CUL4A: variants seen among roughly 807,000 people sequenced by gnomAD.
CUL4A encodes cullin 4A.
In CUL4A, 16 loss-of-function variants were observed where a neutral mutation model predicts 95.5. The observed-to-expected ratio is 0.17, with a 90% CI of 0.11 to 0.25. CUL4A has a LOEUF of 0.25. Ranked by LOEUF, CUL4A falls within the 10% of genes least tolerant of loss-of-function variation. The pLI is 1.00. For synonymous variants in CUL4A, 380 were observed against 353.1 expected (o/e 1.08, Z -0.85); for missense variants, 610 against 937.0 (o/e 0.65, Z 4.56).
chr13:113,221,425 A>G (rs760804422), intron 3 of CUL4A, among the ~76,000 whole-genome samples: 4 of 152,232 alleles, frequency 2.6e-5, no homozygotes, highest in Non-Finnish European at 5.9e-5. Context: ...GTCATGTGCT[A>G]GGTATGATGC....
Position 113,210,058 on chromosome 13 carries a change from C to G in CUL4A, c.234C>G (p.Ser78=). The change falls in exon 2 of 20, where the codon TCC becomes TCG. Residue 78 remains serine, a synonymous_variant. Transcript: ENST00000375440. The part of the protein sequence containing the change: ...EAVRAVQSST[S]IRYNLEELYQ... ...TGCGGGCCGTGCAGAGCAGCACCTCCATCAGGTACAACCTCGAGGAGCTCT... is the reference window on the plus strand; with the variant it reads ...TGCGGGCCGTGCAGAGCAGCACCTCGATCAGGTACAACCTCGAGGAGCTCT... 1 of 1,518,200 alleles carries G rather than the reference C, an allele frequency of 6.6e-7. No individual in the cohort carries two copies. The highest frequency in any genetic ancestry group is 8.8e-7 in the Non-Finnish European group (1 of 1,133,884). 94.0% of individuals were successfully genotyped at this position (1,518,200 alleles called of 1,614,324 possible).
intron 15 of CUL4A, among the ~76,000 whole-genome samples, chr13:113,246,729 C>G (rs1465437322): frequency 6.6e-6 from 1 of 152,160 alleles, no homozygotes; most frequent in East Asian, 1.9e-4. Context: ...GGGTCATGGC[C>G]AATGCTCCTT....
At chr13:113,244,757 G>A (rs1365621935) in intron 12 of CUL4A, among the ~76,000 whole-genome samples, 192 bp from the exon 13 acceptor site, 3 of 151,778 alleles carry the variant, frequency 2.0e-5, no homozygotes, top group Non-Finnish European at 4.4e-5. Context: ...AGAGAATGGC[G>A]TGAACGCGGG....
intron 3 of CUL4A, among the ~76,000 whole-genome samples, chr13:113,220,773 T>G (rs2040867475): frequency 6.6e-6 from 1 of 152,204 alleles, no homozygotes; most frequent in African/African-American, 2.4e-5. Flanking sequence ...AAGCACTTGC[T>G]TTCTACCTAC....
intron 14 of CUL4A, 150 bp downstream of exon 14, chr13:113,245,387 C>T (rs2041829659): frequency 2.8e-6 from 2 of 714,306 alleles, no homozygotes; most frequent in Non-Finnish European, 4.7e-6. Flanking sequence ...CATAGCAAGA[C>T]CCAGTCTCTA....
intron 15 of CUL4A, among the ~76,000 whole-genome samples, chr13:113,247,223 C>T (rs1288686381): frequency 2.0e-5 from 3 of 152,106 alleles, no homozygotes; most frequent in African/African-American, 7.2e-5. Flanking sequence ...CCACCAGGCC[C>T]CACCTCCAGC....
intron 18 of CUL4A, among the ~76,000 whole-genome samples, chr13:113,256,116 G>A (rs1475045659): frequency 6.6e-6 from 1 of 152,078 alleles, no homozygotes; most frequent in Non-Finnish European, 1.5e-5. Context: ...GATCCCGGGA[G>A]TTTGAGGCCA....
intron 5 of CUL4A, chr13:113,229,968 G>C: frequency 2.8e-6 from 1 of 350,990 alleles, no homozygotes; most frequent in Non-Finnish European, 5.1e-6. Context: ...CATCTTTCGG[G>C]GACTGTATAC....
intron 5 of CUL4A, among the ~76,000 whole-genome samples, chr13:113,232,932 C>G (rs1375693821): frequency 6.6e-6 from 1 of 152,192 alleles, no homozygotes; most frequent in Non-Finnish European, 1.5e-5. Context: ...GTTTTACTGT[C>G]AGTGGCATGC....
chr13:113,231,161 C>T (rs2041297214), intron 5 of CUL4A, among the ~76,000 whole-genome samples: 2 of 152,122 alleles, frequency 1.3e-5, no homozygotes, highest in African/African-American at 2.4e-5. Context: ...ATGATACCAC[C>T]TCCAGTCTAC....
chr13:113,224,806 C>G (rs889891268), intron 3 of CUL4A, among the ~76,000 whole-genome samples: 1 of 152,190 alleles, frequency 6.6e-6, no homozygotes, highest in Non-Finnish European at 1.5e-5. Flanking sequence ...CCAAGAGAAC[C>G]CTGTTAATGC....
At chr13:113,260,860 T>G in intron 19 of CUL4A, 101 bp downstream of exon 19, 1 of 920,408 alleles carries the variant, frequency 1.1e-6, no homozygotes, top group Non-Finnish European at 1.6e-6. Flanking sequence ...CCTGCATTAT[T>G]CATGGTGCTT....
chr13:113,237,256 G>A (rs1429428298), intron 9 of CUL4A, among the ~76,000 whole-genome samples: 1 of 152,200 alleles, frequency 6.6e-6, no homozygotes, highest in African/African-American at 2.4e-5. Flanking sequence ...TAGGGGACTC[G>A]GGGAGCTGTT....
At position 113,233,879 on chromosome 13, in the gene CUL4A, ACT is replaced by A. The variant is rs781262264; in HGVS notation, c.676-15_676-14del. On this transcript the variant is annotated splice_polypyrimidine_tract_variant and intron_variant, in intron 6 of 19. Transcript: ENST00000375440. ...TTTCCTTTACTGAAATTGGTCAGTA[ACT>A]CTGCTTGTTTCTTAGGTGTATAAAG... 1.5e-6 allele frequency: 2 copies of A among 1,333,052 alleles called. No individual in the cohort carries two copies. Among genetic ancestry groups the A allele is most frequent in the Non-Finnish European group, 1.1e-6 (1 of 925,784 alleles). The allele number at this position is 1,333,052 out of a possible 1,614,324, so 82.6% of individuals were successfully genotyped here.
intron 9 of CUL4A, among the ~76,000 whole-genome samples, chr13:113,237,728 T>G (rs1397576708): frequency 6.6e-6 from 1 of 152,170 alleles, no homozygotes; most frequent in African/African-American, 2.4e-5. Flanking sequence ...AACCTTAAAG[T>G]TTAATTTTGA....
In CUL4A at chr13:113,243,061, G is replaced by A. The variant is rs368810881; in HGVS notation, c.1129G>A (p.Glu377Lys). Residue 377 changes from glutamate to lysine, a missense_variant, in exon 11 of 20, where the codon GAG (glutamate) becomes AAG (lysine). By Grantham distance (56) the Glu-to-Lys change is moderately conservative. Transcript: ENST00000375440. ...DFKDKVDHVIEVCFQKNERFV... is the reference protein window; with the variant it reads ...DFKDKVDHVIKVCFQKNERFV... ...CAAGGACAAGGTGGACCACGTGATC[G>A]AGGTCTGCTTCCAGAAGAATGAGCG... 9 of 1,614,198 alleles carry A rather than the reference G, an allele frequency of 5.6e-6. No individual in the cohort carries two copies. Among genetic ancestry groups the A allele is most frequent in the African/African-American group, 2.7e-5 (2 of 75,066 alleles).
At chr13:113,209,807 G>C in intron 1 of CUL4A, 32 bp downstream of exon 1, 4 of 1,165,348 alleles carry the variant, frequency 3.4e-6, no homozygotes, top group Non-Finnish European at 4.2e-6. Flanking sequence ...AGGGCCAGGC[G>C]CCCCGGGCGG....
intron 18 of CUL4A, among the ~76,000 whole-genome samples, chr13:113,256,478 T>C (rs2042122487): frequency 6.6e-6 from 1 of 152,190 alleles, no homozygotes; most frequent in South Asian, 2.1e-4. Flanking sequence ...GTTTGCTCTT[T>C]TCCAAGTTGA....
In CUL4A at chr13:113,263,654, T is replaced by C. The variant is rs1334412521; in HGVS notation, c.*72T>C. On this transcript the variant is annotated 3_prime_UTR_variant, in exon 20 of 20. Transcript: ENST00000375440. ...CAGAGCAGGAAGCACACCTGTGCCA[T>C]TTCTGGGACTCTGATTGATCCAGCT... 7.4e-6 allele frequency: 7 copies of C among 946,180 alleles called. No individual in the cohort carries two copies. The highest frequency in any genetic ancestry group is 9.7e-6 in the Non-Finnish European group (6 of 621,260). 58.6% of individuals were successfully genotyped at this position (946,180 alleles called of 1,614,324 possible). A position where few individuals can be genotyped will look rare whatever the true frequency, so the allele number is the denominator to read the frequency against.
Sources: allele counts gnomAD v4.1 joint callset (sites outside exome capture counted in the v4.1 genomes callset), GRCh38; gene constraint gnomAD v4.1.1; transcripts MANE v1.5; gene names NCBI Gene and HGNC (gene_info 2026-07-23, HGNC 2026-07-21).